The following TNIP3 variants were observed in gnomAD, a reference collection of about 807,000 sequenced individuals.
TNIP3 encodes the protein TNFAIP3 interacting protein 3.
Under a neutral mutation model 54.1 loss-of-function variants are expected in TNIP3, and 34 were observed. The ratio of observed to expected loss-of-function variants is 0.63; its 90% CI spans 0.48 to 0.84. The LOEUF (loss-of-function observed/expected upper bound fraction) is 0.84. Ranked by LOEUF, TNIP3 falls within the 40% of genes least tolerant of loss-of-function variation. The pLI, the probability that TNIP3 is intolerant of heterozygous loss-of-function variation, is 0.00. For missense variants in TNIP3, 366 were observed against 387.6 expected (o/e 0.94, Z 0.47); for synonymous variants, 134 against 136.8 (o/e 0.98, Z 0.14).
upstream of TNIP3, among the ~76,000 whole-genome samples, chr4:121,221,175 T>C (rs2148853159): frequency 6.6e-6 from 1 of 152,314 alleles, no homozygotes; most frequent in Middle Eastern, 3.4e-3. Context: ...AAGAAAGAAA[T>C]GTAAAGAACT....
intron 3 of TNIP3, among the ~76,000 whole-genome samples, chr4:121,180,265 T>C (rs927125683): frequency 6.6e-6 from 1 of 152,024 alleles, no homozygotes; most frequent in East Asian, 1.9e-4. Flanking sequence ...CCAGATGTGG[T>C]GGCGGGCGCC....
chr4:121,142,810 A>G, intron 7 of TNIP3, 34 bp from the exon 8 acceptor site: 1 of 1,585,292 alleles, frequency 6.3e-7, no homozygotes, highest in Non-Finnish European at 8.7e-7. Flanking sequence ...GTTAATCAAG[A>G]CAAGTTAAAA....
At chr4:121,197,146 G>A (rs1463001425) in intron 2 of TNIP3, among the ~76,000 whole-genome samples, 1 of 152,038 alleles carries the variant, frequency 6.6e-6, no homozygotes, top group African/African-American at 2.4e-5. Context: ...TAAATTACAA[G>A]CAGATGGCTG....
Position 121,170,387 on chromosome 4 carries a change from A to G in TNIP3, c.190-6241T>C, listed in dbSNP as rs148992279. 3.7e-4 allele frequency among the ~76,000 whole-genome samples: 56 copies of G among 152,316 alleles called. No individual in the cohort carries two copies. The East Asian group carries it at 6.6e-3, about 18-fold the overall frequency. The stretch of plus-strand genomic sequence containing the variant: ...TTCAGAACACAGTCCAGAACACACA[A>G]TGACCACGGGGATACACAAAGTTAT... On this transcript the variant is annotated intron_variant, in intron 3 of 12. Coordinates refer to the TNIP3 transcript ENST00000507879.
At chr4:121,224,111 C>T (rs1727156831) in intron 1 of TNIP3, among the ~76,000 whole-genome samples, 1 of 152,106 alleles carries the variant, frequency 6.6e-6, no homozygotes, top group Admixed American at 6.5e-5. Flanking sequence ...AGTTGAGATG[C>T]CAGCACTTTG....
intron 3 of TNIP3, 107 bp downstream of exon 3, chr4:121,158,580 G>A: frequency 1.2e-6 from 1 of 866,300 alleles, no homozygotes; most frequent in Admixed American, 2.4e-5. Context: ...CCAACAGTTG[G>A]CTATCCACAA....
chr4:121,138,572 A>T, intron 10 of TNIP3, 52 bp downstream of exon 10: 17 of 1,520,578 alleles, frequency 1.1e-5, no homozygotes, highest in Non-Finnish European at 1.6e-5. Flanking sequence ...TCCCCAAAAG[A>T]TCCCATTAAG....
chr4:121,167,626 A>G (rs1240490272), upstream of TNIP3, among the ~76,000 whole-genome samples: 1 of 152,232 alleles, frequency 6.6e-6, no homozygotes, highest in Non-Finnish European at 1.5e-5. Flanking sequence ...TGTTGACCTT[A>G]TAGGCCATAT....
chr4:121,132,452 G>A lies in TNIP3; in HGVS notation c.*179C>T. 1 of 544,808 alleles carries A rather than the reference G, an allele frequency of 1.8e-6. No homozygotes were observed. Among genetic ancestry groups the A allele is most frequent in the Non-Finnish European group, 3.3e-6 (1 of 307,586 alleles). 33.7% of individuals were successfully genotyped at this position (544,808 alleles called of 1,614,324 possible). ...ATAACTGGCTCCTCCAATTTGATCA[G>A]GATCTTAGCTGTCAGAAGCCTTTTC... On this transcript the variant is annotated 3_prime_UTR_variant, in exon 11 of 11. Transcript: ENST00000057513.
upstream of TNIP3, among the ~76,000 whole-genome samples, chr4:121,219,697 A>G (rs1726952393): frequency 1.3e-5 from 2 of 152,220 alleles, no homozygotes; most frequent in Admixed American, 1.3e-4. Context: ...AAAATGTTAT[A>G]TAAAAAATTA....
chr4:121,165,848 T>C (rs1327835524), upstream of TNIP3, among the ~76,000 whole-genome samples: 1 of 152,142 alleles, frequency 6.6e-6, no homozygotes, highest in African/African-American at 2.4e-5. Context: ...GATCTGACTT[T>C]AGGGTACAGA....
chr4:121,160,820 C>T (rs996345795), intron 2 of TNIP3, among the ~76,000 whole-genome samples: 13 of 151,982 alleles, frequency 8.6e-5, no homozygotes, highest in African/African-American at 1.7e-4. Context: ...AAGGCACAAA[C>T]GATAAAGGCA....
At chr4:121,200,569 G>A (rs1417116516) in intron 2 of TNIP3, among the ~76,000 whole-genome samples, 1 of 152,086 alleles carries the variant, frequency 6.6e-6, no homozygotes, top group East Asian at 1.9e-4. Context: ...CTCCTGTGGT[G>A]CTTTTAGTAA....
chr4:121,134,978 AG>A (rs1228496933), intron 10 of TNIP3, among the ~76,000 whole-genome samples: 1 of 152,116 alleles, frequency 6.6e-6, no homozygotes, highest in Non-Finnish European at 1.5e-5. Flanking sequence ...TGTTGTGTGT[AG>A]AGTGGTGAGG....
At chr4:121,152,059 A>C (rs1729793037) in intron 5 of TNIP3, among the ~76,000 whole-genome samples, 1 of 152,194 alleles carries the variant, frequency 6.6e-6, no homozygotes, top group Admixed American at 6.5e-5. Context: ...AATGCAAATA[A>C]ATTGAATAGA....
intron 2 of TNIP3, chr4:121,216,330 T>A: frequency 8.5e-7 from 1 of 1,175,952 alleles, no homozygotes; most frequent in Non-Finnish European, 1.2e-6. Flanking sequence ...CTACTCTTAA[T>A]ACACTATCAT....
At position 121,138,690 on chromosome 4, in the gene TNIP3, T is replaced by G. The variant is rs745380224; in HGVS notation, c.886-6A>C. 1 of 1,613,278 alleles carries G rather than the reference T, an allele frequency of 6.2e-7. No individual in the cohort carries two copies. Among genetic ancestry groups the G allele is most frequent in the Admixed American group, 1.7e-5 (1 of 60,010 alleles). ...GCATACCACTGATAGTCTGGCTGTG[T>G]GGAACAATACAACATTATTATAGCA... On this transcript the variant is annotated splice_polypyrimidine_tract_variant and splice_region_variant and intron_variant, in intron 9 of 10. Coordinates refer to ENST00000057513, the MANE Select transcript of TNIP3 (RefSeq NM_024873.6).
chr4:121,193,611 A>C (rs1414479705), intron 2 of TNIP3, among the ~76,000 whole-genome samples: 2 of 152,150 alleles, frequency 1.3e-5, no homozygotes, highest in Non-Finnish European at 2.9e-5. Context: ...CTGGTGGCTG[A>C]AAATTTGATA....
chr4:121,149,604 A>G (rs1029123834), intron 6 of TNIP3, among the ~76,000 whole-genome samples: 14 of 152,298 alleles, frequency 9.2e-5, no homozygotes, highest in Non-Finnish European at 1.9e-4. Context: ...ATCTCTACTA[A>G]AAATACAAAA....
Sources: allele counts gnomAD v4.1 joint callset (sites outside exome capture counted in the v4.1 genomes callset), GRCh38; gene constraint gnomAD v4.1.1; transcripts MANE v1.5; gene names NCBI Gene and HGNC (gene_info 2026-07-23, HGNC 2026-07-21).